ZNF430: variants seen among roughly 807,000 people sequenced by gnomAD.
The protein encoded by ZNF430 is zinc finger protein 430.
A neutral mutation model predicts 56.7 loss-of-function variants in ZNF430; 35 were observed. The ratio of observed to expected loss-of-function variants is 0.62; its 90% CI spans 0.47 to 0.82. The LOEUF (loss-of-function observed/expected upper bound fraction) is 0.82, where lower values mean the gene tolerates loss of function less well. ZNF430 is among the 40% of genes least tolerant of loss of function. The pLI is 0.00. For missense variants in ZNF430, 574 were observed against 661.0 expected, an observed-to-expected ratio of 0.87 and a Z score of 1.44; for synonymous variants, 212 against 224.3, an observed-to-expected ratio of 0.94 and a Z score of 0.49.
chr19:21,026,822 C>CTTTTCTTTTTTTT (rs1967805599), intron 2 of ZNF430, among the ~76,000 whole-genome samples: 1 of 60,108 alleles, frequency 1.7e-5, no homozygotes, highest in Non-Finnish European at 3.6e-5. Context: ...TTTTTCTTTT[C>CTTTTCTTTTTTTT]TTTTCTTTTT....
At chr19:21,044,470 T>C (rs1416981473) in intron 4 of ZNF430, among the ~76,000 whole-genome samples, 1 of 152,232 alleles carries the variant, frequency 6.6e-6, no homozygotes, top group East Asian at 1.9e-4. Flanking sequence ...GATGTGCTGC[T>C]GGATTTGGTT....
Position 21,057,385 on chromosome 19 carries a change from C to G in ZNF430, c.1077C>G (p.Thr359=). ...GCAAAGCTTTTAACCAATCCTCAAC[C>G]CTTACTACACATAAGATAATTCATG... is the stretch of plus-strand genomic sequence containing the variant. ...ECGKAFNQSS[T]LTTHKIIHAG... Residue 359 remains threonine, a synonymous_variant, in exon 5 of 5, where the codon ACC becomes ACG. Coordinates refer to ENST00000261560, the MANE Select transcript of ZNF430 (RefSeq NM_025189.4). The G allele has an allele frequency of 6.2e-7, 1 of 1,613,036 alleles. No homozygotes were observed. Among genetic ancestry groups the G allele is most frequent in the East Asian group, 2.2e-5 (1 of 44,810 alleles).
chr19:21,024,048 A>G, intron 2 of ZNF430, among the ~76,000 whole-genome samples: 1 of 152,228 alleles, frequency 6.6e-6, no homozygotes, highest in East Asian at 1.9e-4. Flanking sequence ...AGTAACTCTA[A>G]CATAGAAATT....
chr19:21,049,285 A>G (rs552424218), intron 4 of ZNF430, among the ~76,000 whole-genome samples: 4 of 152,012 alleles, frequency 2.6e-5, no homozygotes, highest in South Asian at 2.1e-4. Flanking sequence ...TGATACTACA[A>G]ATTATATTAT....
At chr19:21,050,082 C>T (rs1445721288) in intron 4 of ZNF430, among the ~76,000 whole-genome samples, 1 of 152,064 alleles carries the variant, frequency 6.6e-6, no homozygotes, top group East Asian at 1.9e-4. Flanking sequence ...GGCAGGGTTT[C>T]ACCGTCTTAG....
intron 4 of ZNF430, among the ~76,000 whole-genome samples, chr19:21,037,111 C>CTTTTTTTTTTTTTT (rs990607702): frequency 7.6e-6 from 1 of 130,794 alleles, no homozygotes; most frequent in Non-Finnish European, 1.6e-5. Flanking sequence ...ACAAGATTTT[C>CTTTTTTTTTTTTTT]TTTTTTTTTT....
At chr19:21,025,166 C>T (rs112950667) in intron 2 of ZNF430, among the ~76,000 whole-genome samples, 2 of 152,280 alleles carry the variant, frequency 1.3e-5, no homozygotes, top group African/African-American at 4.8e-5. Context: ...ACTCTATAGG[C>T]AGAGCAGCCC....
intron 4 of ZNF430, among the ~76,000 whole-genome samples, chr19:21,042,712 TG>T (rs993514624): frequency 5.9e-5 from 9 of 151,498 alleles, no homozygotes; most frequent in Admixed American, 1.3e-4. Flanking sequence ...GGCGTGAACC[TG>T]GGAGGCAGAG....
In ZNF430 at chr19:21,050,086, G is replaced by A. The variant is rs539090722; in HGVS notation, c.323-6545G>A. The stretch of plus-strand genomic sequence containing the variant: ...TTTTCAGTAGAGGCAGGGTTTCACC[G>A]TCTTAGCCAGGACGGTCTCGATCTC... On this transcript the variant is annotated intron_variant, in intron 4 of 4. Transcript: ENST00000261560. Among the ~76,000 whole-genome samples, 21 of 135,562 alleles carry A rather than the reference G, an allele frequency of 1.5e-4. No individual in the cohort carries two copies. The South Asian group carries it at 2.4e-3, about 15-fold the overall frequency. 88.9% of individuals were successfully genotyped at this position (135,562 alleles called of 152,430 possible).
intron 4 of ZNF430, among the ~76,000 whole-genome samples, chr19:21,044,233 CTT>C (rs1260259319): frequency 6.6e-6 from 1 of 151,812 alleles, no homozygotes; most frequent in Non-Finnish European, 1.5e-5. Flanking sequence ...ATAAATGACT[CTT>C]ATTATTTTGA....
chr19:21,042,315 G>A (rs955684821), intron 4 of ZNF430, among the ~76,000 whole-genome samples: 1 of 151,998 alleles, frequency 6.6e-6, no homozygotes, highest in Non-Finnish European at 1.5e-5. Flanking sequence ...TATTCCTTTG[G>A]GTATATACCC....
chr19:21,026,867 C>G (rs1967810734), intron 2 of ZNF430, among the ~76,000 whole-genome samples: 1 of 105,898 alleles, frequency 9.4e-6, no homozygotes, highest in Admixed American at 1.5e-4. Context: ...GAGTCTTGCT[C>G]TCGCCAGGCT....
chr19:21,021,540 G>T (rs560029488), intron 1 of ZNF430, among the ~76,000 whole-genome samples: 1 of 152,082 alleles, frequency 6.6e-6, no homozygotes, highest in Admixed American at 6.6e-5. Flanking sequence ...AAATATTAAA[G>T]AAATTAATCA....
At position 21,033,461 on chromosome 19, in the gene ZNF430, A is replaced by G. The variant is rs1178417505; in HGVS notation, c.102A>G (p.Pro34=). ...LLVYSFYEKG[P]LTFRDVAIEF... is the part of the protein sequence containing the mutation. ...TGTGTGCTTGTGTTTTTCAGGGGCC[A>G]TTGACATTTAGGGATGTGGCCATAG... Residue 34 remains proline (P), a synonymous_variant, in exon 3 of 5, where the codon CCA becomes CCG. Coordinates refer to ENST00000261560, the MANE Select transcript of ZNF430 (RefSeq NM_025189.4). 6 of 1,609,570 alleles carry G rather than the reference A, an allele frequency of 3.7e-6. No homozygotes were observed. The African/African-American group carries it at 4.0e-5, about 11-fold the overall frequency.
rs1968418830 is a variant in ZNF430 at position 21,058,417 on chromosome 19, C to G, written c.*396C>G. The G allele has an allele frequency of 6.2e-6, 1 of 161,274 alleles. No homozygotes were observed. The highest frequency in any genetic ancestry group is 6.1e-5 in the Admixed American group (1 of 16,482). 10.0% of individuals were successfully genotyped at this position (161,274 alleles called of 1,614,324 possible). A position where few individuals can be genotyped will look rare whatever the true frequency, so the allele number is the denominator to read the frequency against. ...TGAGATCGCGCCATTGCACTCCAGC[C>G]TGGGCAACAAGAGTGGCACTCCATC... On this transcript the variant is annotated 3_prime_UTR_variant, in exon 5 of 5. Transcript: ENST00000261560.
intron 4 of ZNF430, among the ~76,000 whole-genome samples, chr19:21,048,762 G>A (rs2144782238): frequency 6.6e-6 from 1 of 152,234 alleles, no homozygotes; most frequent in African/African-American, 2.4e-5. Flanking sequence ...GGGGCGGCCG[G>A]GCAGAGGCGC....
At chr19:21,020,927 C>A in intron 1 of ZNF430, 124 bp downstream of exon 1, 2 of 1,357,502 alleles carry the variant, frequency 1.5e-6, no homozygotes, top group African/African-American at 1.4e-5. Flanking sequence ...CGAGTTCTTG[C>A]CCAGCTGGGC....
intron 4 of ZNF430, among the ~76,000 whole-genome samples, chr19:21,052,015 CTG>C (rs921079071): frequency 6.6e-6 from 1 of 151,924 alleles, no homozygotes; most frequent in African/African-American, 2.4e-5. Flanking sequence ...CATTAAATCT[CTG>C]TATTACATTG....
At chr19:21,051,914 A>G (rs1230068204) in intron 4 of ZNF430, among the ~76,000 whole-genome samples, 9 of 152,120 alleles carry the variant, frequency 5.9e-5, no homozygotes, top group African/African-American at 2.2e-4. Flanking sequence ...TACTTTGGGT[A>G]CTTTATTGTC....
Sources: gnomAD v4.1 joint callset for allele counts (sites outside exome capture counted in the v4.1 genomes callset) on GRCh38, gnomAD v4.1.1 for gene constraint, MANE v1.5 for transcripts, NCBI Gene and HGNC (gene_info 2026-07-23, HGNC 2026-07-21) for gene names.